ARHGEF11: variants seen among roughly 807,000 people sequenced by gnomAD.
The protein encoded by ARHGEF11 is Rho guanine exchange factor (GEF) 11.
A neutral mutation model predicts 193.7 loss-of-function variants in ARHGEF11; 55 were observed. The observed-to-expected ratio is 0.28, with a 90% CI of 0.23 to 0.36. ARHGEF11 has a LOEUF of 0.36. Ranked by LOEUF, ARHGEF11 falls within the 10% of genes least tolerant of loss-of-function variation. ARHGEF11 has a pLI of 1.00. For missense variants in ARHGEF11, 1,723 were observed against 2,005.6 expected (o/e 0.86, Z 2.69); for synonymous variants, 693 against 768.0 (o/e 0.90, Z 1.62).
chr1:156,959,935 C>A (rs1290328606), intron 15 of ARHGEF11, among the ~76,000 whole-genome samples: 4 of 119,496 alleles, frequency 3.3e-5, no homozygotes, highest in Non-Finnish European at 5.4e-5. Flanking sequence ...CCCCCCCTCC[C>A]CCCCCCCCAA....
intron 20 of ARHGEF11, 64 bp downstream of exon 20, chr1:156,955,639 T>C: frequency 7.8e-7 from 1 of 1,287,210 alleles, no homozygotes; most frequent in South Asian, 1.2e-5. Context: ...AACATACTGG[T>C]ACATGAAAGG....
At chr1:156,980,759 C>CA (rs1473776936) in intron 3 of ARHGEF11, among the ~76,000 whole-genome samples, 1 of 140,774 alleles carries the variant, frequency 7.1e-6, no homozygotes, top group East Asian at 2.1e-4. Flanking sequence ...GAGGCAGGGC[C>CA]AGGCTCTGGG....
intron 11 of ARHGEF11, among the ~76,000 whole-genome samples, chr1:156,967,693 T>G (rs1224481424): frequency 6.6e-6 from 1 of 152,216 alleles, no homozygotes; most frequent in Non-Finnish European, 1.5e-5. Context: ...CTAAACCTAT[T>G]TCCTATTCTG....
At chr1:156,974,488 A>C (rs181711677) in intron 7 of ARHGEF11, among the ~76,000 whole-genome samples, 22 of 152,326 alleles carry the variant, frequency 1.4e-4, no homozygotes, top group African/African-American at 5.1e-4. Context: ...AGAGCATTAA[A>C]ATTTTTTTAA....
intron 1 of ARHGEF11, among the ~76,000 whole-genome samples, chr1:156,998,440 T>C (rs1204785478): frequency 2.6e-5 from 4 of 152,244 alleles, no homozygotes; most frequent in Admixed American, 6.5e-5. Flanking sequence ...AGAACAGGCC[T>C]GGCTCTGCCT....
Position 156,941,850 on chromosome 1 carries a change from G to A in ARHGEF11, c.3452+14C>T. Reference sequence around the variant, plus strand: ...GTGGAGAGAGTGCAGGGTCTGGAGGGCTAAGCACTGCACCTGCTGGGTGTG... The same window carrying A: ...GTGGAGAGAGTGCAGGGTCTGGAGGACTAAGCACTGCACCTGCTGGGTGTG... On this transcript the variant is annotated intron_variant, in intron 34 of 40. Coordinates refer to ENST00000368194, the MANE Select transcript of ARHGEF11 (RefSeq NM_198236.3). 6.2e-7 allele frequency: 1 copy of A among 1,601,164 alleles called. No homozygotes were observed. Among genetic ancestry groups the A allele is most frequent in the Non-Finnish European group, 8.5e-7 (1 of 1,174,272 alleles).
chr1:156,986,143 A>G lies in ARHGEF11; in HGVS notation c.63T>C (p.Ser21=). 6.2e-7 allele frequency: 1 copy of G among 1,613,974 alleles called. No homozygotes were observed. The highest frequency in any genetic ancestry group is 8.5e-7 in the Non-Finnish European group (1 of 1,179,888). ...GGGAAGGGGACTTGCGCTCTGGTGC[A>G]GAATCTCCCAGAGAAGACAGGCTAC... The part of the protein sequence containing the change: ...RLSSLSSLGD[S]APERKSPSHH... The change falls in exon 2 of 41, where the codon TCT becomes TCC. Residue 21 remains serine (S), a synonymous_variant. Transcript: ENST00000368194.
Position 156,948,886 on chromosome 1 carries a change from C to T in ARHGEF11, c.1926-388G>A. On this transcript the variant is annotated intron_variant, in intron 22 of 40. Transcript: ENST00000368194. The surrounding 1 kb of genome is among the most constrained non-coding windows in gnomAD (Gnocchi z 4.2). The stretch of plus-strand genomic sequence containing the variant: ...GTCCCTCAACAGGGAACACAAGGTC[C>T]CAGCTCCCTGCCCCTAGTGGCCAGT... 1 of 985,424 alleles carries T rather than the reference C, an allele frequency of 1.0e-6. No homozygotes were observed. The highest frequency in any genetic ancestry group is 1.2e-6 in the Non-Finnish European group (1 of 829,916). The allele number at this position is 985,424 out of a possible 1,614,324, so 61.0% of individuals were successfully genotyped here. A position where few individuals can be genotyped will look rare whatever the true frequency, so the allele number is the denominator to read the frequency against.
chr1:157,018,410 A>G (rs1174442004), intron 1 of ARHGEF11, among the ~76,000 whole-genome samples: 1 of 152,112 alleles, frequency 6.6e-6, no homozygotes, highest in Non-Finnish European at 1.5e-5. Context: ...TTGGGAGGTC[A>G]AGGTGGGCGG....
At chr1:156,961,847 T>G in intron 13 of ARHGEF11, 72 bp from the exon 14 acceptor site, 5 of 1,340,314 alleles carry the variant, frequency 3.7e-6, no homozygotes, top group Non-Finnish European at 5.3e-6. Flanking sequence ...AGGGGACGTT[T>G]GGCCATGTCT....
chr1:157,041,244 T>C (rs1006030000), intron 1 of ARHGEF11, among the ~76,000 whole-genome samples: 1 of 152,184 alleles, frequency 6.6e-6, no homozygotes, highest in Non-Finnish European at 1.5e-5. Context: ...CTGTTTGCAA[T>C]AGCAAACACA....
intron 40 of ARHGEF11, among the ~76,000 whole-genome samples, chr1:156,936,497 A>ATATATATATATATAT (rs1553192805): frequency 1.5e-4 from 5 of 33,928 alleles, no homozygotes; most frequent in South Asian, 1.6e-3. Flanking sequence ...AAAAAAAAAA[A>ATATATATATATATAT]ATATATATAT....
At chr1:156,947,676 C>T (rs377286883) in intron 25 of ARHGEF11, 93 bp downstream of exon 25, 3 of 1,501,268 alleles carry the variant, frequency 2.0e-6, no homozygotes, top group East Asian at 2.4e-5. Flanking sequence ...GCCCCCCACC[C>T]TATTTACCTC....
At chr1:156,981,214 T>A (rs200776255) in intron 3 of ARHGEF11, among the ~76,000 whole-genome samples, 29,354 of 151,154 alleles carry the variant, frequency 0.19, 2,932 homozygotes, top group East Asian at 0.33. Context: ...AAAAAAAAAT[T>A]TTTTTTTTTG....
chr1:157,035,452 C>A (rs1451288573), intron 1 of ARHGEF11, among the ~76,000 whole-genome samples: 2 of 150,840 alleles, frequency 1.3e-5, no homozygotes, highest in African/African-American at 4.9e-5. Context: ...GTTGCCCAGG[C>A]TGGAGAGCAA....
At chr1:157,005,520 C>G (rs994992098) in intron 1 of ARHGEF11, among the ~76,000 whole-genome samples, 1 of 152,174 alleles carries the variant, frequency 6.6e-6, no homozygotes, top group African/African-American at 2.4e-5. Context: ...CATTCAGAAC[C>G]CCCAGAATTC....
In ARHGEF11 at chr1:156,940,164, G is replaced by T; in HGVS notation, c.3733+43C>A. ...GCCTGCCAGTTCACACTGGGTGTGC[G>T]ACTGGGGACCAGGGGCTGACGGCAG... is the stretch of plus-strand genomic sequence containing the variant. On this transcript the variant is annotated intron_variant, in intron 36 of 40. Coordinates refer to ENST00000368194, the MANE Select transcript of ARHGEF11 (RefSeq NM_198236.3). The T allele has an allele frequency of 2.0e-6, 3 of 1,529,410 alleles. No individual in the cohort carries two copies. In the South Asian group the frequency reaches 3.9e-5, roughly 20 times the overall value. 94.7% of individuals were successfully genotyped at this position (1,529,410 alleles called of 1,614,324 possible). A position where few individuals can be genotyped will look rare whatever the true frequency, so the allele number is the denominator to read the frequency against.
At chr1:157,039,658 CAA>C (rs1237394240) in intron 1 of ARHGEF11, among the ~76,000 whole-genome samples, 2 of 151,996 alleles carry the variant, frequency 1.3e-5, no homozygotes, top group Non-Finnish European at 2.9e-5. Flanking sequence ...CAATCCACAG[CAA>C]AAAGAGTTTC....
chr1:156,970,140 G>A (rs1662309045), intron 8 of ARHGEF11, 97 bp from the exon 9 acceptor site: 2 of 1,021,986 alleles, frequency 2.0e-6, no homozygotes, highest in Non-Finnish European at 1.5e-6. Flanking sequence ...TACAATTAGT[G>A]GCCTCTTCCG....
Sources: allele counts gnomAD v4.1 joint callset (sites outside exome capture counted in the v4.1 genomes callset), GRCh38; gene constraint gnomAD v4.1.1; non-coding constraint Gnocchi (gnomAD v3.1); transcripts MANE v1.5; gene names NCBI Gene and HGNC (gene_info 2026-07-23, HGNC 2026-07-21).